MSH6: variants seen among roughly 807,000 people sequenced by gnomAD.
MSH6 encodes DNA mismatch repair protein Msh6.
Under a neutral mutation model 119.1 loss-of-function variants are expected in MSH6, and 85 were observed. The ratio of observed to expected loss-of-function variants is 0.71; its 90% CI spans 0.60 to 0.85. The LOEUF (loss-of-function observed/expected upper bound fraction) is 0.85, where lower values mean the gene tolerates loss of function less well. MSH6 is among the 40% of genes least tolerant of loss of function. The probability of loss-of-function intolerance (pLI) is 0.00; values close to 1 mark genes in which losing one functional copy is unlikely to be tolerated. For synonymous variants in MSH6, 830 were observed against 586.9 expected (o/e 1.41, Z -5.99); for missense variants, 2,163 against 1,655.3 (o/e 1.31, Z -5.32).
At chr2:47,796,143 C>A (rs1272177048) in intron 3 of MSH6, 80 bp downstream of exon 3, 3 of 1,417,342 alleles carry the variant, frequency 2.1e-6, no homozygotes, top group Non-Finnish European at 3.0e-6. Flanking sequence ...TAACAAGATA[C>A]CTTGTTTTAT....
rs572317219 is a variant in MSH6, at chr2:47,798,658, T to A, written c.675T>A (p.Ile225=). Residue 225 remains isoleucine (I), a synonymous_variant, in exon 4 of 10, where the codon ATT becomes ATA. Transcript: ENST00000234420. The stretch of plus-strand genomic sequence containing the variant: ...ATAAGAGTGAAGAAGATAATGAAAT[T>A]GAGAGTGAAGAGGAAGTACAGCCTA... ...VTDKSEEDNE[I]ESEEEVQPKT... is the part of the protein sequence containing the mutation. The A allele has an allele frequency of 1.9e-6, 3 of 1,613,284 alleles. No homozygotes were observed. In the East Asian group the frequency reaches 6.7e-5, roughly 36 times the overall value.
At chr2:47,793,793 C>A (rs946293172) in intron 2 of MSH6, among the ~76,000 whole-genome samples, 13 of 151,244 alleles carry the variant, frequency 8.6e-5, no homozygotes, top group African/African-American at 2.9e-4. Context: ...TGGAATGGCA[C>A]AATCTCAGCT....
Position 47,796,073 on chromosome 2 carries a change from G to A in MSH6, c.627+10G>A, listed in dbSNP as rs1346594345. ...GGAAGAAGAGATGGAGGTGGGACAC[G>A]GCAAGCATTCAGTTGTTATTTATGT... On this transcript the variant is annotated intron_variant, in intron 3 of 9. Coordinates refer to ENST00000234420, the MANE Select transcript of MSH6 (RefSeq NM_000179.3). 9 of 1,613,748 alleles carry A rather than the reference G, an allele frequency of 5.6e-6. No homozygotes were observed. Among genetic ancestry groups the A allele is most frequent in the East Asian group, 2.2e-5 (1 of 44,890 alleles).
Position 47,798,624 on chromosome 2 carries a change from A to C in MSH6, c.641A>C (p.Tyr214Ser), listed in dbSNP as rs773111311. ...EEEEMEVGTTYVTDKSEEDNE... is the reference protein window; with the variant it reads ...EEEEMEVGTTSVTDKSEEDNE... ...CTTGCCTGGCAGGTAGGCACAACTT[A>C]CGTAACAGATAAGAGTGAAGAAGAT... Residue 214 changes from tyrosine to serine, a missense_variant, in exon 4 of 10, where the codon TAC becomes TCC. Transcript: ENST00000234420. The C allele has an allele frequency of 6.2e-7, 1 of 1,610,872 alleles. No individual in the cohort carries two copies. Among genetic ancestry groups the C allele is most frequent in the East Asian group, 2.2e-5 (1 of 44,892 alleles).
downstream of MSH6, chr2:47,809,100 A>G: frequency 9.0e-7 from 1 of 1,115,812 alleles, no homozygotes; most frequent in Non-Finnish European, 1.3e-6. Flanking sequence ...AGGCATTGCT[A>G]ATTTAAAAAG....
intron 2 of MSH6, among the ~76,000 whole-genome samples, chr2:47,791,902 A>G (rs1338307410): frequency 6.6e-6 from 1 of 151,806 alleles, no homozygotes. Flanking sequence ...GCTGGAGTGC[A>G]ATGGCGCAAT....
intron 3 of MSH6, among the ~76,000 whole-genome samples, chr2:47,797,307 A>G (rs1669159985): frequency 6.6e-6 from 1 of 152,220 alleles, no homozygotes; most frequent in Non-Finnish European, 1.5e-5. Context: ...TTCAATAGAT[A>G]AGATAGGGAA....
intron 1 of MSH6, chr2:47,783,747 G>A (rs576052586): frequency 4.2e-6 from 2 of 472,754 alleles, no homozygotes; most frequent in South Asian, 8.1e-5. Context: ...GAGAGTTCGG[G>A]CCTTTTGGAG....
At chr2:47,783,542 C>A in intron 1 of MSH6, 49 bp downstream of exon 1, 1 of 1,388,434 alleles carries the variant, frequency 7.2e-7, no homozygotes, top group Non-Finnish European at 9.4e-7. Context: ...CGGCGGGGCG[C>A]TTGGAACCCG....
chr2:47,791,511 C>CA (rs1449095915), intron 2 of MSH6, among the ~76,000 whole-genome samples: 1 of 152,070 alleles, frequency 6.6e-6, no homozygotes, highest in Non-Finnish European at 1.5e-5. Context: ...TCAAACTACT[C>CA]ACTAATGAAC....
At position 47,800,918 on chromosome 2, in the gene MSH6, C is replaced by T. The variant is rs1356451622; in HGVS notation, c.2935C>T (p.Leu979=). 3.2e-6 allele frequency: 5 copies of T among 1,579,574 alleles called. No homozygotes were observed. The highest frequency in any genetic ancestry group is 1.7e-4 in the Middle Eastern group (1 of 5,864). ...YWGIGRNRYQ[L]EIPENFTTRN... is the part of the protein sequence containing the mutation. The stretch of plus-strand genomic sequence containing the variant: ...GGGGATTGGTAGGAACCGTTACCAG[C>T]TGGAAATTCCTGAGAATTTCACCAC... Residue 979 remains leucine (L), a synonymous_variant, in exon 4 of 10, where the codon CTG becomes TTG. Coordinates refer to ENST00000234420, the MANE Select transcript of MSH6 (RefSeq NM_000179.3).
chr2:47,790,792 C>G (rs1668675483), intron 1 of MSH6, 135 bp from the exon 2 acceptor site: 2 of 796,790 alleles, frequency 2.5e-6, no homozygotes, highest in South Asian at 3.2e-5. Context: ...GAATATCTGA[C>G]TTTAAAAATT....
rs1060502944 is a variant in MSH6 at position 47,803,417 on chromosome 2, C to G, written c.3173-3C>G. 1 of 1,614,148 alleles carries G rather than the reference C, an allele frequency of 6.2e-7. No individual in the cohort carries two copies. Among genetic ancestry groups the G allele is most frequent in the Non-Finnish European group, 8.5e-7 (1 of 1,180,026 alleles). On this transcript the variant is annotated splice_polypyrimidine_tract_variant and splice_region_variant and intron_variant, in intron 4 of 9. Transcript: ENST00000234420. ...GCCTCACTTTTACCCTCTCTTTTAA[C>G]AGATGTTTTACTGTGCCTGGCTAAC...
intron 2 of MSH6, 97 bp from the exon 3 acceptor site, chr2:47,795,797 G>A (rs942305987): frequency 2.0e-6 from 2 of 1,005,668 alleles, no homozygotes; most frequent in African/African-American, 3.2e-5. Context: ...TAGAGATGGG[G>A]TTTGCTATGT....
In MSH6 at chr2:47,799,877, A is replaced by G. The variant is rs755847154; in HGVS notation, c.1894A>G (p.Lys632Glu). 18 of 1,614,086 alleles carry G rather than the reference A, an allele frequency of 1.1e-5. No individual in the cohort carries two copies. The highest frequency in any genetic ancestry group is 1.6e-4 in the Middle Eastern group (1 of 6,084). The change falls in exon 4 of 10, where the codon AAA (lysine) becomes GAA (glutamate). Residue 632 changes from lysine to glutamate, a missense_variant. By Grantham distance (56) the Lys-to-Glu change is moderately conservative. Transcript: ENST00000234420. ...IPGSQFWDAS[K>E]TLRTLLEEEY... ...CGGCTCCCAGTTTTGGGATGCATCC[A>G]AAACTTTGAGAACTCTCCTTGAGGA...
intron 4 of MSH6, 123 bp from the exon 5 acceptor site, chr2:47,803,297 T>C: frequency 1.5e-6 from 2 of 1,297,348 alleles, no homozygotes; most frequent in South Asian, 2.5e-5. Context: ...GGGGAGATCG[T>C]TGGACTGTAA....
chr2:47,785,848 C>G (rs1668318499), intron 1 of MSH6, among the ~76,000 whole-genome samples: 1 of 152,108 alleles, frequency 6.6e-6, no homozygotes, highest in Non-Finnish European at 1.5e-5. Context: ...TTATTTGTTT[C>G]TTGAGGTTGA....
In MSH6 at chr2:47,788,593, G is replaced by A. The variant is rs200351215; in HGVS notation, c.261-2334G>A. Among the ~76,000 whole-genome samples the A allele has an allele frequency of 6.0e-5, 8 of 133,816 alleles. No homozygotes were observed. In the East Asian group the frequency reaches 1.3e-3, roughly 22 times the overall value. The allele number at this position is 133,816 out of a possible 152,430, so 87.8% of individuals were successfully genotyped here. A position where few individuals can be genotyped will look rare whatever the true frequency, so the allele number is the denominator to read the frequency against. ...TTCTTTTTTTTTTTTTTTTTGAGAC[G>A]GAGTCTTGCTCTGTTACCCAGGCTG... On this transcript the variant is annotated intron_variant, in intron 1 of 9. Coordinates refer to ENST00000234420, the MANE Select transcript of MSH6 (RefSeq NM_000179.3).
rs768654339 is a variant in MSH6, at chr2:47,798,805, C to T, written c.822C>T (p.Ser274=). ...EFKPDTKEEG[S]SDEISSGVGD... ...AGCCAGACACTAAGGAGGAAGGAAGCAGTGATGAAATAAGCAGTGGAGTGG... is the reference window on the plus strand; with the variant it reads ...AGCCAGACACTAAGGAGGAAGGAAGTAGTGATGAAATAAGCAGTGGAGTGG... The change falls in exon 4 of 10, where the codon AGC becomes AGT. Residue 274 remains serine (S), a synonymous_variant. Transcript: ENST00000234420. 1.2e-6 allele frequency: 2 copies of T among 1,614,036 alleles called. No homozygotes were observed. The highest frequency in any genetic ancestry group is 1.7e-6 in the Non-Finnish European group (2 of 1,180,008).
Sources: gnomAD v4.1 joint callset for allele counts (sites outside exome capture counted in the v4.1 genomes callset) on GRCh38, gnomAD v4.1.1 for gene constraint, MANE v1.5 for transcripts, NCBI Gene and HGNC (gene_info 2026-07-23, HGNC 2026-07-21) for gene names.